Variants in FGD3 observed in about 807,000 individuals in gnomAD.
The protein encoded by FGD3 is FYVE, RhoGEF and PH domain-containing protein 3.
A neutral mutation model predicts 71.8 loss-of-function variants in FGD3; 45 were observed. The observed-to-expected ratio is 0.63, with a 90% confidence interval of 0.49 to 0.80. The LOEUF (loss-of-function observed/expected upper bound fraction) is 0.80. Among genes scored for constraint, FGD3 ranks in the 30% least tolerant of loss-of-function variants. The pLI, the probability that FGD3 is intolerant of heterozygous loss-of-function variation, is 0.00. For missense variants in FGD3, 844 were observed against 951.5 expected, an observed-to-expected ratio of 0.89 and a Z score of 1.49; for synonymous variants, 378 against 392.8, an observed-to-expected ratio of 0.96 and a Z score of 0.44.
intron 14 of FGD3, among the ~76,000 whole-genome samples, chr9:93,026,532 G>C (rs79897207): frequency 0.07 from 10,711 of 152,248 alleles, 495 homozygotes; most frequent in East Asian, 0.14. Context: ...CATGGGAGCT[G>C]GTGCAGGGCC....
In FGD3 at chr9:93,035,380, C is replaced by A. The variant is rs771653886; in HGVS notation, c.1969C>A (p.Leu657Met). The A allele has an allele frequency of 6.2e-7, 1 of 1,611,134 alleles. No homozygotes were observed. Reference protein sequence around the residue: ...PRTIPLPSCKLSVPDPEERLD... With the variant: ...PRTIPLPSCKMSVPDPEERLD... Reference sequence around the variant, plus strand: ...CACCATCCCTCTCCCCAGCTGCAAACTGAGTGTGCCGGACCCTGAGGAGAG... The same window carrying A: ...CACCATCCCTCTCCCCAGCTGCAAAATGAGTGTGCCGGACCCTGAGGAGAG... The change falls in exon 18 of 18, where the codon CTG becomes ATG. Residue 657 changes from leucine (L) to methionine (M), a missense_variant. Coordinates refer to ENST00000375482, the MANE Select transcript of FGD3 (RefSeq NM_001083536.2).
At chr9:93,025,252 C>A (rs982186081) in intron 14 of FGD3, among the ~76,000 whole-genome samples, 2 of 152,230 alleles carry the variant, frequency 1.3e-5, no homozygotes, top group Non-Finnish European at 2.9e-5. Context: ...CAGTTCTGGT[C>A]TCTTGTCTCT....
intron 1 of FGD3, among the ~76,000 whole-genome samples, chr9:92,965,176 C>T (rs4078292): frequency 0.32 from 49,183 of 152,066 alleles, 8,339 homozygotes; most frequent in Middle Eastern, 0.43. Context: ...GAGGCATGTT[C>T]GGGTCACACA....
intron 11 of FGD3, among the ~76,000 whole-genome samples, chr9:93,019,277 C>T (rs1237466246): frequency 6.6e-6 from 1 of 152,106 alleles, no homozygotes; most frequent in Non-Finnish European, 1.5e-5. Flanking sequence ...CATATCTGCA[C>T]ACCATTCCTA....
At chr9:93,023,316 C>G (rs964359269) in intron 14 of FGD3, among the ~76,000 whole-genome samples, 1 of 152,188 alleles carries the variant, frequency 6.6e-6, no homozygotes, top group Non-Finnish European at 1.5e-5. Flanking sequence ...ATGATCTGGG[C>G]TGGCCGGGCA....
Position 92,976,282 on chromosome 9 carries a change from C to T in FGD3, c.26C>T (p.Thr9Ile). ...ATGGAGTCAGGCAGGGGGTCCTCAA[C>T]CCCTCCAGGACCCATTGCTGCCCTA... MESGRGSS[T>I]PPGPIAALGM... The change falls in exon 3 of 18, where the codon ACC becomes ATC. Residue 9 changes from threonine to isoleucine, a missense_variant. Physicochemically the swap from Thr to Ile is moderately conservative, Grantham distance 89. Transcript: ENST00000375482. The T allele has an allele frequency of 6.3e-7, 1 of 1,590,942 alleles. No homozygotes were observed. The highest frequency in any genetic ancestry group is 1.1e-5 in the South Asian group (1 of 90,238).
At chr9:92,970,264 GGCATGGGTGT>G (rs1287433988) in intron 1 of FGD3, among the ~76,000 whole-genome samples, 2 of 152,048 alleles carry the variant, frequency 1.3e-5, no homozygotes, top group African/African-American at 4.8e-5. Context: ...ACTGACCCTG[GGCATGGGTGT>G]GCATGGGTGT....
intron 3 of FGD3, among the ~76,000 whole-genome samples, chr9:92,987,909 AAGCTG>A (rs1440348737): frequency 6.6e-6 from 1 of 152,150 alleles, no homozygotes; most frequent in Non-Finnish European, 1.5e-5. Context: ...TCTTATCAGG[AAGCTG>A]ATTATCTGTT....
At chr9:92,977,768 C>T (rs1190800140) in intron 3 of FGD3, among the ~76,000 whole-genome samples, 3 of 152,124 alleles carry the variant, frequency 2.0e-5, no homozygotes, top group Non-Finnish European at 4.4e-5. Flanking sequence ...GGGCCTGAGA[C>T]GGTAATGTGG....
chr9:92,948,020 G>T (rs1858888144), intron 1 of FGD3, among the ~76,000 whole-genome samples: 1 of 152,156 alleles, frequency 6.6e-6, no homozygotes, highest in African/African-American at 2.4e-5. Context: ...TCGGGAACAG[G>T]ATTCTCCAGG....
At chr9:92,995,043 G>C (rs1860576920) in intron 3 of FGD3, among the ~76,000 whole-genome samples, 1 of 152,180 alleles carries the variant, frequency 6.6e-6, no homozygotes, top group East Asian at 1.9e-4. Context: ...GGATGGCATT[G>C]AATCTATAAA....
chr9:92,972,030 T>C (rs1443639870), intron 1 of FGD3, among the ~76,000 whole-genome samples: 1 of 125,976 alleles, frequency 7.9e-6, no homozygotes, highest in Non-Finnish European at 1.7e-5. Flanking sequence ...CCTAGCACCA[T>C]AGGCTACTTT....
intron 14 of FGD3, among the ~76,000 whole-genome samples, chr9:93,023,085 C>A (rs920315372): frequency 2.0e-5 from 3 of 152,208 alleles, no homozygotes; most frequent in Non-Finnish European, 4.4e-5. Context: ...CACTCACCAA[C>A]GCTGACAGCA....
chr9:92,983,511 C>T (rs962417603), intron 3 of FGD3, among the ~76,000 whole-genome samples: 2 of 151,982 alleles, frequency 1.3e-5, no homozygotes, highest in Non-Finnish European at 2.9e-5. Flanking sequence ...GGCAACAGAG[C>T]GAGACTCCAT....
At chr9:93,025,179 C>T (rs1016098670) in intron 14 of FGD3, among the ~76,000 whole-genome samples, 1 of 152,216 alleles carries the variant, frequency 6.6e-6, no homozygotes, top group Non-Finnish European at 1.5e-5. Context: ...TCCCCTGGCC[C>T]AGGGTTCAGC....
chr9:92,954,799 T>A (rs1859018815), intron 1 of FGD3, among the ~76,000 whole-genome samples: 1 of 152,220 alleles, frequency 6.6e-6, no homozygotes, highest in Admixed American at 6.5e-5. Context: ...CACCTTGGGC[T>A]GTGTCCTAGA....
rs756847541 is a variant in FGD3, at chr9:93,032,848, A to G, written c.1760A>G (p.Gln587Arg). 3 of 1,614,164 alleles carry G rather than the reference A, an allele frequency of 1.9e-6. No homozygotes were observed. The highest frequency in any genetic ancestry group is 2.5e-6 in the Non-Finnish European group (3 of 1,180,022). ...SRVCRDCFLT[Q>R]PVAPESTEKT... is the part of the protein sequence containing the mutation. Reference sequence around the variant, plus strand: ...GTCTGCAGAGATTGTTTCCTGACACAGCCAGTGGCCCCTGAGAGCACAGAG... The same window carrying G: ...GTCTGCAGAGATTGTTTCCTGACACGGCCAGTGGCCCCTGAGAGCACAGAG... Residue 587 changes from glutamine (Q) to arginine (R), a missense_variant, in exon 16 of 18, where the codon CAG becomes CGG. Transcript: ENST00000375482.
chr9:93,011,529 A>G (rs1309989691), intron 8 of FGD3, among the ~76,000 whole-genome samples: 2 of 152,194 alleles, frequency 1.3e-5, no homozygotes, highest in African/African-American at 4.8e-5. Context: ...GCCCCGACAG[A>G]GCCTGTCTCA....
At position 92,955,561 on chromosome 9, in the gene FGD3, A is replaced by T. The variant is rs117020684; in HGVS notation, c.-218+7832A>T. Among the ~76,000 whole-genome samples, 292 of 152,340 alleles carry T rather than the reference A, an allele frequency of 1.9e-3. 2 individuals carry two copies. Among genetic ancestry groups the T allele is most frequent in the Non-Finnish European group, 3.3e-3 (222 of 68,032 alleles). On this transcript the variant is annotated intron_variant, in intron 1 of 17. Transcript: ENST00000375482. ...TTTATTTTGAAATGACTGTATAGAC[A>T]CATAAGAGATAATGCAGAGATACTG...
Sources: allele counts gnomAD v4.1 joint callset (sites outside exome capture counted in the v4.1 genomes callset), GRCh38; gene constraint gnomAD v4.1.1; transcripts MANE v1.5; gene names NCBI Gene and HGNC (gene_info 2026-07-23, HGNC 2026-07-21).